NKAIN2: variants seen among roughly 807,000 people sequenced by gnomAD.
NKAIN2 encodes the protein sodium/potassium transporting ATPase interacting 2.
Under a neutral mutation model 32.6 loss-of-function variants are expected in NKAIN2, and 14 were observed. That is an observed-to-expected ratio of 0.43 (90% CI 0.28 to 0.67). The LOEUF (loss-of-function observed/expected upper bound fraction) is 0.67. NKAIN2 is among the 30% of genes least tolerant of loss of function. The pLI, the probability that NKAIN2 is intolerant of heterozygous loss-of-function variation, is 0.17. For missense variants in NKAIN2, 198 were observed against 258.3 expected (o/e 0.77, Z 1.60); for synonymous variants, 80 against 87.2 (o/e 0.92, Z 0.46).
intron 1 of NKAIN2, among the ~76,000 whole-genome samples, chr6:124,262,058 G>A (rs1794279380): frequency 6.6e-6 from 1 of 151,948 alleles, no homozygotes; most frequent in Admixed American, 6.6e-5. Flanking sequence ...GCAGAGCCAG[G>A]TGTTATTCAC....
At chr6:124,032,509 C>A (rs1781449496) in intron 1 of NKAIN2, among the ~76,000 whole-genome samples, 1 of 151,972 alleles carries the variant, frequency 6.6e-6, no homozygotes, top group Non-Finnish European at 1.5e-5. Context: ...AAAGTACTAT[C>A]TTTCTATGAA....
intron 3 of NKAIN2, among the ~76,000 whole-genome samples, chr6:124,471,513 C>T (rs1186846274): frequency 2.0e-5 from 3 of 152,104 alleles, no homozygotes; most frequent in African/African-American, 7.2e-5. Flanking sequence ...ACATATATAA[C>T]TTGCAATTTT....
intron 3 of NKAIN2, among the ~76,000 whole-genome samples, chr6:124,573,068 G>T (rs1281161406): frequency 6.6e-6 from 1 of 152,012 alleles, no homozygotes; most frequent in Non-Finnish European, 1.5e-5. Flanking sequence ...TCAAACTCCT[G>T]ACCTCAGGTG....
chr6:124,305,016 A>G (rs1796452086), intron 2 of NKAIN2, among the ~76,000 whole-genome samples: 1 of 152,222 alleles, frequency 6.6e-6, no homozygotes, highest in Non-Finnish European at 1.5e-5. Flanking sequence ...CTGTAGGTTA[A>G]TATGGAATCC....
At chr6:124,208,635 A>G (rs887201472) in intron 1 of NKAIN2, among the ~76,000 whole-genome samples, 8 of 151,528 alleles carry the variant, frequency 5.3e-5, no homozygotes, top group African/African-American at 1.9e-4. Context: ...TATATAAAAT[A>G]TACTATATTA....
chr6:123,981,772 G>A (rs796686894), intron 1 of NKAIN2, among the ~76,000 whole-genome samples: 19 of 152,270 alleles, frequency 1.2e-4, no homozygotes, highest in African/African-American at 4.6e-4. Flanking sequence ...AGAAGGTTAA[G>A]TGCAAAACAC....
Position 124,116,463 on chromosome 6 carries a change from TA to T in NKAIN2, c.55-166541del, listed in dbSNP as rs532259214. On this transcript the variant is annotated intron_variant, in intron 1 of 6. Coordinates refer to ENST00000368417, the MANE Select transcript of NKAIN2 (RefSeq NM_001040214.3). ...TTAATGTGACATTGTATTGTAACTT[TA>T]TGGTAATAATTCTTTATCATTTAAA... Among the ~76,000 whole-genome samples the T allele has an allele frequency of 3.9e-4, 59 of 152,298 alleles. 1 individual carries two copies. The East Asian group carries it at 0.01, about 27-fold the overall frequency.
chr6:124,585,972 C>G (rs1414906743), intron 3 of NKAIN2, among the ~76,000 whole-genome samples: 1 of 152,154 alleles, frequency 6.6e-6, no homozygotes, highest in Non-Finnish European at 1.5e-5. Flanking sequence ...ATTCTTCCAT[C>G]GGTTCTATAG....
chr6:124,091,525 C>T (rs1017660402), intron 1 of NKAIN2, among the ~76,000 whole-genome samples: 2 of 151,966 alleles, frequency 1.3e-5, no homozygotes, highest in African/African-American at 4.8e-5. Flanking sequence ...CATCAAAGAC[C>T]AGGGAATCTG....
intron 3 of NKAIN2, among the ~76,000 whole-genome samples, chr6:124,455,777 G>A (rs1280468571): frequency 3.3e-5 from 5 of 151,722 alleles, no homozygotes; most frequent in African/African-American, 4.8e-5. Flanking sequence ...TTAAAAATAT[G>A]TATAATATAT....
intron 1 of NKAIN2, among the ~76,000 whole-genome samples, chr6:123,940,783 G>A (rs1002207308): frequency 1.3e-5 from 2 of 151,976 alleles, no homozygotes; most frequent in African/African-American, 4.8e-5. Flanking sequence ...GAAGGCCTAG[G>A]ACATTACTGT....
At chr6:123,917,407 T>C (rs1273085970) in intron 1 of NKAIN2, among the ~76,000 whole-genome samples, 1 of 152,156 alleles carries the variant, frequency 6.6e-6, no homozygotes, top group Admixed American at 6.5e-5. Context: ...TACCTTGAAG[T>C]CATAAGCCAT....
At chr6:124,604,239 A>G (rs1249508296) in intron 3 of NKAIN2, among the ~76,000 whole-genome samples, 1 of 151,962 alleles carries the variant, frequency 6.6e-6, no homozygotes, top group South Asian at 2.1e-4. Flanking sequence ...AATCATATAC[A>G]CACTACATTT....
intron 3 of NKAIN2, among the ~76,000 whole-genome samples, chr6:124,399,748 T>C (rs1773548332): frequency 6.6e-6 from 1 of 152,198 alleles, no homozygotes; most frequent in South Asian, 2.1e-4. Flanking sequence ...TTTGGCCAAG[T>C]ATTAGGTACA....
At chr6:124,430,465 CAG>C (rs1775167773) in intron 3 of NKAIN2, among the ~76,000 whole-genome samples, 1 of 152,080 alleles carries the variant, frequency 6.6e-6, no homozygotes. Flanking sequence ...TAGTTGCTAT[CAG>C]AGGACGGTTT....
At chr6:124,599,566 A>G (rs1215142015) in intron 3 of NKAIN2, among the ~76,000 whole-genome samples, 1 of 152,158 alleles carries the variant, frequency 6.6e-6, no homozygotes, top group East Asian at 1.9e-4. Flanking sequence ...TTGTACCCTG[A>G]GTACCCTTCA....
intron 3 of NKAIN2, among the ~76,000 whole-genome samples, chr6:124,456,580 A>G (rs924261836): frequency 6.6e-6 from 1 of 151,872 alleles, no homozygotes; most frequent in Non-Finnish European, 1.5e-5. Context: ...CAGTGAATAT[A>G]TTTGCATATG....
intron 5 of NKAIN2, among the ~76,000 whole-genome samples, chr6:124,797,878 T>G (rs1441633369): frequency 6.6e-6 from 1 of 152,106 alleles, no homozygotes; most frequent in African/African-American, 2.4e-5. Flanking sequence ...TATAAAGGAA[T>G]GCAGAAAGCA....
At chr6:123,873,827 T>C (rs1439625404) in intron 1 of NKAIN2, among the ~76,000 whole-genome samples, 1 of 152,214 alleles carries the variant, frequency 6.6e-6, no homozygotes, top group Admixed American at 6.5e-5. Flanking sequence ...TGAAGCAGCA[T>C]TGCTGTACTC....
Sources: allele counts gnomAD v4.1 joint callset (sites outside exome capture counted in the v4.1 genomes callset), GRCh38; gene constraint gnomAD v4.1.1; transcripts MANE v1.5; gene names NCBI Gene and HGNC (gene_info 2026-07-23, HGNC 2026-07-21).